Variants in VRK2 observed in about 807,000 individuals in gnomAD.
VRK2 encodes VRK serine/threonine kinase 2.
A neutral mutation model predicts 57.6 loss-of-function variants in VRK2; 60 were observed. The ratio of observed to expected loss-of-function variants is 1.04; its 90% CI spans 0.85 to 1.29. The LOEUF (loss-of-function observed/expected upper bound fraction) is 1.29, where lower values mean the gene tolerates loss of function less well. Ranked by LOEUF, VRK2 falls within the 50% of genes most tolerant of loss-of-function variation. VRK2 has a pLI of 0.00. For synonymous variants in VRK2, 231 were observed against 199.2 expected, an observed-to-expected ratio of 1.16 and a Z score of -1.35; for missense variants, 705 against 588.1, an observed-to-expected ratio of 1.20 and a Z score of -2.06.
intron 7 of VRK2, among the ~76,000 whole-genome samples, chr2:58,096,275 T>C (rs1478098202): frequency 6.6e-6 from 1 of 152,114 alleles, no homozygotes; most frequent in Non-Finnish European, 1.5e-5. Context: ...TTGGTGCCAA[T>C]ATATTTGGTT....
intron 2 of VRK2, among the ~76,000 whole-genome samples, chr2:58,076,969 T>TCAA (rs1481941704): frequency 6.6e-6 from 1 of 152,068 alleles, no homozygotes; most frequent in Non-Finnish European, 1.5e-5. Flanking sequence ...TACATAGTTA[T>TCAA]CAACACCAGA....
At chr2:58,042,862 TTTTC>T (rs899893853), upstream of VRK2, among the ~76,000 whole-genome samples, 2 of 152,194 alleles carry the variant, frequency 1.3e-5, no homozygotes, top group African/African-American at 2.4e-5. Flanking sequence ...CTAGATTCTC[TTTTC>T]TTTCTTGTTT....
intron 1 of VRK2, among the ~76,000 whole-genome samples, chr2:57,951,872 T>A (rs1299928610): frequency 6.6e-6 from 1 of 151,538 alleles, no homozygotes; most frequent in African/African-American, 2.4e-5. Flanking sequence ...GCCTCCTGAG[T>A]AGTTTAAACT....
Position 58,159,630 on chromosome 2 carries a change from T to C in VRK2, c.1464T>C (p.Tyr488=), listed in dbSNP as rs1378259884. ...TLSEETNADV[Y]YYRIIIPVLL... is the part of the protein sequence containing the mutation. ...GTGAAGAGACAAACGCAGATGTTTA[T>C]TATTATCGCATCATCATACCTGTCC... Residue 488 remains tyrosine (Y), a synonymous_variant, in exon 13 of 13, where the codon TAT becomes TAC. Transcript: ENST00000340157. 1.2e-6 allele frequency: 2 copies of C among 1,613,842 alleles called. No individual in the cohort carries two copies. Among genetic ancestry groups the C allele is most frequent in the Admixed American group, 1.7e-5 (1 of 60,004 alleles).
intron 1 of VRK2, among the ~76,000 whole-genome samples, chr2:57,943,014 A>G (rs1261239063): frequency 2.6e-5 from 4 of 152,198 alleles, no homozygotes; most frequent in Non-Finnish European, 5.9e-5. Flanking sequence ...TCATAGGATA[A>G]TTTTATATAG....
At chr2:58,013,282 A>C (rs1673467826) in intron 1 of VRK2, among the ~76,000 whole-genome samples, 1 of 152,214 alleles carries the variant, frequency 6.6e-6, no homozygotes, top group Non-Finnish European at 1.5e-5. Flanking sequence ...GAAGGCATTT[A>C]TGTAACTTCC....
intron 1 of VRK2, among the ~76,000 whole-genome samples, chr2:57,929,414 T>C (rs927153076): frequency 6.6e-6 from 1 of 152,048 alleles, no homozygotes; most frequent in Non-Finnish European, 1.5e-5. Flanking sequence ...TAGTCAGCTT[T>C]TGGTGATTGC....
At chr2:58,151,210 T>TCTTCTATACATTTTTG (rs546043834) in intron 12 of VRK2, among the ~76,000 whole-genome samples, 1 of 151,816 alleles carries the variant, frequency 6.6e-6, no homozygotes, top group Non-Finnish European at 1.5e-5. Context: ...TCCATTTGTC[T>TCTTCTATACATTTTTG]CTTCTATACA....
chr2:58,013,179 A>T (rs1673464755), intron 1 of VRK2, among the ~76,000 whole-genome samples: 1 of 152,218 alleles, frequency 6.6e-6, no homozygotes, highest in Admixed American at 6.5e-5. Context: ...TATTTTCATG[A>T]TGAAACATGA....
intron 8 of VRK2, among the ~76,000 whole-genome samples, chr2:58,131,264 AAGACCCTTTTTTT>A (rs1679147294): frequency 6.6e-6 from 1 of 150,638 alleles, no homozygotes; most frequent in Admixed American, 6.7e-5. Flanking sequence ...AATCTTCAGA[AAGACCCTTTTTTT>A]AATACTGCAC....
At chr2:58,043,476 G>A (rs536104531), upstream of VRK2, among the ~76,000 whole-genome samples, 22 of 152,148 alleles carry the variant, frequency 1.4e-4, no homozygotes, top group Admixed American at 1.0e-3. Context: ...CTTCGATTTC[G>A]AATAAATTAT....
intron 7 of VRK2, among the ~76,000 whole-genome samples, chr2:58,112,768 C>T (rs1190522737): frequency 2.6e-5 from 4 of 152,118 alleles, no homozygotes; most frequent in African/African-American, 4.8e-5. Context: ...CAACAGACTA[C>T]TGGCCTCGGA....
At chr2:58,104,349 A>G (rs1454937579) in intron 7 of VRK2, among the ~76,000 whole-genome samples, 4 of 151,892 alleles carry the variant, frequency 2.6e-5, no homozygotes, top group Non-Finnish European at 4.4e-5. Context: ...ATTTTGTTAA[A>G]TGAATTTAGC....
chr2:58,028,725 G>A lies in VRK2; in HGVS notation c.-333+2955G>A, dbSNP rs576305645. On this transcript the variant is annotated intron_variant, in intron 2 of 15. Transcript: ENST00000417641. Reference sequence around the variant, plus strand: ...CACAGGAAGGGGTACATCACACACCGGGGCCTGTTGTGGGGTTGGGGGAGT... The same window carrying A: ...CACAGGAAGGGGTACATCACACACCAGGGCCTGTTGTGGGGTTGGGGGAGT... Among the ~76,000 whole-genome samples the A allele has an allele frequency of 6.6e-5, 10 of 150,756 alleles. No homozygotes were observed. In the South Asian group the frequency reaches 1.7e-3, roughly 26 times the overall value.
chr2:58,025,554 T>C (rs1231529850), intron 1 of VRK2: 1 of 152,220 alleles, frequency 6.6e-6, no homozygotes, highest in Non-Finnish European at 1.5e-5. Flanking sequence ...CTTATGTTTG[T>C]TGCTCAAGGT....
intron 1 of VRK2, among the ~76,000 whole-genome samples, chr2:57,969,716 G>A (rs956293602): frequency 8.5e-5 from 13 of 152,080 alleles, no homozygotes; most frequent in Non-Finnish European, 1.6e-4. Context: ...GAAAAACTGA[G>A]GAAATCGCAG....
chr2:57,996,071 A>T (rs1030496968), intron 1 of VRK2, among the ~76,000 whole-genome samples: 9 of 152,246 alleles, frequency 5.9e-5, no homozygotes, highest in African/African-American at 2.2e-4. Context: ...TGCATTAGGT[A>T]TTATAAGTAA....
At chr2:58,076,005 T>C (rs1352394634) in intron 2 of VRK2, among the ~76,000 whole-genome samples, 1 of 152,014 alleles carries the variant, frequency 6.6e-6, no homozygotes, top group Non-Finnish European at 1.5e-5. Flanking sequence ...TTTTCTTTTT[T>C]CTCCCCCTTA....
At chr2:58,103,051 C>A (rs1022260907) in intron 7 of VRK2, among the ~76,000 whole-genome samples, 8 of 151,386 alleles carry the variant, frequency 5.3e-5, no homozygotes, top group African/African-American at 1.7e-4. Flanking sequence ...AATGGAGACA[C>A]AACATACCAA....
Sources: gnomAD v4.1 joint callset for allele counts (sites outside exome capture counted in the v4.1 genomes callset) on GRCh38, gnomAD v4.1.1 for gene constraint, MANE v1.5 for transcripts, NCBI Gene and HGNC (gene_info 2026-07-23, HGNC 2026-07-21) for gene names.